The following CEP57 variants were observed in gnomAD, a reference collection of about 807,000 sequenced individuals.
CEP57 encodes centrosomal protein of 57 kDa.
In CEP57, 40 loss-of-function variants were observed where a neutral mutation model predicts 68.0. That is an observed-to-expected ratio of 0.59 (90% CI 0.46 to 0.77). The LOEUF (loss-of-function observed/expected upper bound fraction) is 0.77. Among genes scored for constraint, CEP57 ranks in the 30% least tolerant of loss-of-function variants. The pLI is 0.00. For missense variants in CEP57, 606 were observed against 580.7 expected (o/e 1.04, Z -0.45); for synonymous variants, 219 against 198.7 (o/e 1.10, Z -0.86).
At position 95,821,249 on chromosome 11, in the gene CEP57, T is replaced by C. The variant is rs189370143; in HGVS notation, c.700-622T>C. On this transcript the variant is annotated intron_variant, in intron 6 of 10. Coordinates refer to ENST00000325542, the MANE Select transcript of CEP57 (RefSeq NM_014679.5). ...TAAAAAGGAAAGTTGAAAGTTGGCTTAGTGAAAAGAGCAGTCCTTTTTTGA... is the reference window on the plus strand; with the variant it reads ...TAAAAAGGAAAGTTGAAAGTTGGCTCAGTGAAAAGAGCAGTCCTTTTTTGA... Among the ~76,000 whole-genome samples the C allele has an allele frequency of 3.1e-3, 472 of 152,296 alleles. 4 individuals carry two copies. The highest frequency in any genetic ancestry group is 0.011 in the African/African-American group (453 of 41,548).
At chr11:95,805,813 AAG>A (rs1861772928) in intron 2 of CEP57, among the ~76,000 whole-genome samples, 1 of 151,902 alleles carries the variant, frequency 6.6e-6, no homozygotes, top group Non-Finnish European at 1.5e-5. Flanking sequence ...GTATGTAACA[AAG>A]AGTTACAGTA....
At chr11:95,796,752 C>T (rs1475722763) in intron 1 of CEP57, among the ~76,000 whole-genome samples, 2 of 152,196 alleles carry the variant, frequency 1.3e-5, no homozygotes, top group African/African-American at 4.8e-5. Context: ...TGCCTGCCCC[C>T]AAGTCAGTCA....
intron 4 of CEP57, among the ~76,000 whole-genome samples, chr11:95,813,837 T>G (rs1763313157): frequency 6.6e-6 from 1 of 152,226 alleles, no homozygotes; most frequent in African/African-American, 2.4e-5. Flanking sequence ...GTTAGCTTCT[T>G]TGAGTCTACA....
chr11:95,822,615 T>G (rs1348850841), intron 8 of CEP57, 39 bp downstream of exon 8: 1 of 1,512,952 alleles, frequency 6.6e-7, no homozygotes, highest in South Asian at 1.1e-5. Flanking sequence ...TATACAACAT[T>G]GATCCCTGAA....
chr11:95,814,679 TA>T (rs1451959969), intron 4 of CEP57, among the ~76,000 whole-genome samples: 2 of 152,338 alleles, frequency 1.3e-5, no homozygotes, highest in African/African-American at 4.8e-5. Context: ...TATATTTTTT[TA>T]AAACTTACTC....
chr11:95,802,516 G>C (rs559755188), intron 2 of CEP57, among the ~76,000 whole-genome samples: 1 of 152,262 alleles, frequency 6.6e-6, no homozygotes, highest in South Asian at 2.1e-4. Flanking sequence ...GCCTCCCAAA[G>C]TGCTGGGATT....
Position 95,813,025 on chromosome 11 carries a change from G to A in CEP57, c.296G>A (p.Arg99Lys). 1 of 1,613,914 alleles carries A rather than the reference G, an allele frequency of 6.2e-7. No homozygotes were observed. Among genetic ancestry groups the A allele is most frequent in the South Asian group, 1.1e-5 (1 of 91,056 alleles). ...GAAGAAAGTGTGAAAACCTTGTCTA[G>A]AGAAACAATTGAATATAAGAAAGTA... ...QAEESVKTLS[R>K]ETIEYKKVLD... The change falls in exon 3 of 11, where the codon AGA (arginine) becomes AAA (lysine). Residue 99 changes from arginine (R) to lysine (K), a missense_variant. Transcript: ENST00000325542.
rs187828059 is a variant in CEP57, at chr11:95,816,183, T to C, written c.505-1604T>C. On this transcript the variant is annotated intron_variant, in intron 4 of 10. Transcript: ENST00000325542. ...TATGGTGGAAGGGGAAGCATACATA[T>C]TCTTCTTCACATGGTGGCAAGAGAG... 2.3e-3 allele frequency among the ~76,000 whole-genome samples: 350 copies of C among 152,202 alleles called. 3 individuals carry two copies. The South Asian group carries it at 0.034, about 15-fold the overall frequency.
At chr11:95,822,616 G>A (rs936446188) in intron 8 of CEP57, 40 bp downstream of exon 8, 2 of 1,509,304 alleles carry the variant, frequency 1.3e-6, no homozygotes, top group African/African-American at 1.4e-5. Flanking sequence ...ATACAACATT[G>A]ATCCCTGAAT....
chr11:95,825,324 C>T (rs1031281247), intron 8 of CEP57, among the ~76,000 whole-genome samples: 44 of 152,022 alleles, frequency 2.9e-4, no homozygotes, highest in African/African-American at 1.0e-3. Context: ...CATGATTTCA[C>T]AGGATTTATG....
chr11:95,807,958 G>A (rs1316723213), intron 2 of CEP57, among the ~76,000 whole-genome samples: 1 of 152,130 alleles, frequency 6.6e-6, no homozygotes, highest in East Asian at 1.9e-4. Flanking sequence ...AATATTAAGG[G>A]CAGCCAGAGA....
chr11:95,818,209 C>G (rs1177710584), intron 5 of CEP57, among the ~76,000 whole-genome samples: 1 of 151,886 alleles, frequency 6.6e-6, no homozygotes, highest in Non-Finnish European at 1.5e-5. Context: ...GTCAGGAGTT[C>G]AAGACCAGCC....
chr11:95,806,340 C>T (rs747530257), intron 2 of CEP57, among the ~76,000 whole-genome samples: 9 of 152,134 alleles, frequency 5.9e-5, no homozygotes, highest in Non-Finnish European at 1.0e-4. Flanking sequence ...TCTGCATTTC[C>T]AACTGAGATA....
At chr11:95,794,681 A>C (rs1232450058) in intron 1 of CEP57, among the ~76,000 whole-genome samples, 1 of 152,048 alleles carries the variant, frequency 6.6e-6, no homozygotes, top group East Asian at 1.9e-4. Flanking sequence ...CTTTCGATTA[A>C]TAGTTGTTGT....
intron 2 of CEP57, among the ~76,000 whole-genome samples, chr11:95,808,009 A>G (rs185152249): frequency 6.6e-6 from 1 of 152,230 alleles, no homozygotes; most frequent in Non-Finnish European, 1.5e-5. Context: ...CATCAGACTA[A>G]CAGCAGATCT....
chr11:95,822,326 C>G (rs546133034), intron 7 of CEP57, 173 bp from the exon 8 acceptor site: 2 of 619,090 alleles, frequency 3.2e-6, no homozygotes, highest in African/African-American at 1.8e-5. Flanking sequence ...CTTTCCTAGG[C>G]TAGGATATAT....
Position 95,817,493 on chromosome 11 carries a change from A to G in CEP57, c.505-294A>G, listed in dbSNP as rs1217266541. Among the ~76,000 whole-genome samples, 3 of 152,350 alleles carry G rather than the reference A, an allele frequency of 2.0e-5. No individual in the cohort carries two copies. The East Asian group carries it at 5.8e-4, about 29-fold the overall frequency. ...TACTTGACAGGACCAAACTAAAAGTATTTGTGTGTGAAGCCTATATGTCCA... is the reference window on the plus strand; with the variant it reads ...TACTTGACAGGACCAAACTAAAAGTGTTTGTGTGTGAAGCCTATATGTCCA... On this transcript the variant is annotated intron_variant, in intron 4 of 10. Coordinates refer to ENST00000325542, the MANE Select transcript of CEP57 (RefSeq NM_014679.5).
chr11:95,809,110 A>C (rs1181065159), intron 2 of CEP57, among the ~76,000 whole-genome samples: 1 of 152,222 alleles, frequency 6.6e-6, no homozygotes, highest in Non-Finnish European at 1.5e-5. Context: ...CTACTGGGTG[A>C]ATAATGAAAT....
intron 8 of CEP57, chr11:95,826,019 G>A (rs1211290386): frequency 2.0e-5 from 3 of 152,126 alleles, no homozygotes; most frequent in Non-Finnish European, 2.9e-5. Flanking sequence ...TTAGAGAAAT[G>A]AAAAAGCAGA....
Sources: gnomAD v4.1 joint callset for allele counts (sites outside exome capture counted in the v4.1 genomes callset) on GRCh38, gnomAD v4.1.1 for gene constraint, MANE v1.5 for transcripts, NCBI Gene and HGNC (gene_info 2026-07-23, HGNC 2026-07-21) for gene names.